DACH2: variants seen among roughly 807,000 people sequenced by gnomAD.
The protein encoded by DACH2 is dachshund family transcription factor 2.
Under a neutral mutation model 35.8 loss-of-function variants are expected in DACH2, and 17 were observed. The observed-to-expected ratio is 0.48, with a 90% CI of 0.33 to 0.71. DACH2 has a LOEUF of 0.71. DACH2 is among the 30% of genes least tolerant of loss of function. DACH2 has a pLI of 0.02. For synonymous variants in DACH2, 195 were observed against 177.3 expected, an observed-to-expected ratio of 1.10 and a Z score of -0.79; for missense variants, 469 against 472.7, an observed-to-expected ratio of 0.99 and a Z score of 0.07.
chrX:86,438,050 C>T (rs895267400), intron 2 of DACH2, among the ~76,000 whole-genome samples: 5 of 108,765 alleles, frequency 4.6e-5, no homozygotes, highest in African/African-American at 1.7e-4. Flanking sequence ...TACCCTCCAA[C>T]AGGCTCCAGG....
At chrX:86,705,729 T>A (rs1374595974) in intron 5 of DACH2, among the ~76,000 whole-genome samples, 1 of 111,339 alleles carries the variant, frequency 9.0e-6, no homozygotes, top group African/African-American at 3.3e-5. Flanking sequence ...AATCCAGCAA[T>A]CCCTCTACTG....
chrX:86,720,373 A>G (rs957223038), intron 6 of DACH2, among the ~76,000 whole-genome samples: 1 of 111,792 alleles, frequency 8.9e-6, no homozygotes, highest in Non-Finnish European at 1.9e-5. Flanking sequence ...TACTTCCTAA[A>G]TATAATGGGG....
chrX:86,394,528 TAA>T (rs939754833), intron 2 of DACH2, among the ~76,000 whole-genome samples: 3 of 111,674 alleles, frequency 2.7e-5, no homozygotes, highest in African/African-American at 9.7e-5. Flanking sequence ...GCCTACCTGA[TAA>T]AAGAGTATTT....
intron 1 of DACH2, among the ~76,000 whole-genome samples, chrX:86,296,804 A>G (rs1962548063): frequency 9.0e-6 from 1 of 110,559 alleles, no homozygotes; most frequent in Non-Finnish European, 1.9e-5. Context: ...ATTATGGTAG[A>G]CCATTCTTGA....
At chrX:86,479,485 A>G (rs1476150043) in intron 2 of DACH2, among the ~76,000 whole-genome samples, 2 of 111,374 alleles carry the variant, frequency 1.8e-5, no homozygotes, top group Admixed American at 9.5e-5. Context: ...TTGATGTCCT[A>G]TAACTATCTT....
intron 2 of DACH2, among the ~76,000 whole-genome samples, chrX:86,485,650 A>G (rs981167538): frequency 9.0e-6 from 1 of 111,698 alleles, no homozygotes; most frequent in Non-Finnish European, 1.9e-5. Context: ...TACTATGTCA[A>G]TTATAAATTT....
chrX:86,311,582 G>T (rs191114064), intron 1 of DACH2, among the ~76,000 whole-genome samples: 5 of 110,789 alleles, frequency 4.5e-5, no homozygotes, highest in African/African-American at 1.6e-4. Context: ...AGTGGAAGTG[G>T]CACCACTCAC....
At chrX:86,170,500 C>G (rs771615646) in intron 1 of DACH2, among the ~76,000 whole-genome samples, 1 of 111,976 alleles carries the variant, frequency 8.9e-6, no homozygotes, top group Non-Finnish European at 1.9e-5. Context: ...CAGTCAAAAC[C>G]CTTAGAAGTC....
chrX:86,298,253 T>G, intron 1 of DACH2, among the ~76,000 whole-genome samples: 1 of 111,980 alleles, frequency 8.9e-6, no homozygotes, highest in African/African-American at 3.2e-5. Flanking sequence ...CAGTAGTGAT[T>G]TGACCCTCTT....
chrX:86,389,887 G>GA (rs1260640885), intron 2 of DACH2, among the ~76,000 whole-genome samples: 2 of 111,478 alleles, frequency 1.8e-5, no homozygotes, highest in African/African-American at 6.5e-5. Context: ...AATGATGCTG[G>GA]AAAAAAAATC....
Position 86,640,651 on chromosome X carries a change from T to G in DACH2, c.641-10385T>G, listed in dbSNP as rs545277725. 2.8e-5 allele frequency among the ~76,000 whole-genome samples: 3 copies of G among 107,884 alleles called. No homozygotes were observed. The South Asian group carries it at 1.2e-3, about 44-fold the overall frequency. 93.7% of individuals were successfully genotyped at this position (107,884 alleles called of 115,157 possible). Reference sequence around the variant, plus strand: ...GGAACTGCAGTGGGCAGCTAAGGAGTGCCAAGTCATGAACTACAGCAAGCA... The same window carrying G: ...GGAACTGCAGTGGGCAGCTAAGGAGGGCCAAGTCATGAACTACAGCAAGCA... On this transcript the variant is annotated intron_variant, in intron 3 of 11. Transcript: ENST00000373125.
intron 2 of DACH2, among the ~76,000 whole-genome samples, chrX:86,414,592 G>T (rs1327076464): frequency 9.0e-6 from 1 of 110,855 alleles, no homozygotes; most frequent in African/African-American, 3.3e-5. Flanking sequence ...ATTGGTCAAG[G>T]GTATATCTTT....
rs1397085542 is a variant in DACH2, at chrX:86,396,026, C to A, written c.527+19164C>A. 7.2e-4 allele frequency among the ~76,000 whole-genome samples: 80 copies of A among 111,385 alleles called. 1 individual carries two copies. The East Asian group carries it at 0.022, about 31-fold the overall frequency. ...CCAACAGTGTAAAAGTGTTCCTATT[C>A]GTCCACATCCTCTCCAGCACCTGTT... is the stretch of plus-strand genomic sequence containing the variant. On this transcript the variant is annotated intron_variant, in intron 2 of 11. Transcript: ENST00000373125.
In DACH2 at chrX:86,215,184, G is replaced by T. The variant is rs763569189; in HGVS notation, c.488+66076G>T. ...TTACCCATTTGGAAGGCATGTAGTT[G>T]GCAAATTTGATGAACATCTACAGAA... On this transcript the variant is annotated intron_variant, in intron 1 of 11. Transcript: ENST00000373125. Among the ~76,000 whole-genome samples, 4 of 110,962 alleles carry T rather than the reference G, an allele frequency of 3.6e-5. No individual in the cohort carries two copies. The South Asian group carries it at 1.5e-3, about 42-fold the overall frequency.
chrX:86,472,571 T>C (rs1204013097), intron 2 of DACH2, among the ~76,000 whole-genome samples: 1 of 112,071 alleles, frequency 8.9e-6, no homozygotes, highest in Admixed American at 9.5e-5. Flanking sequence ...ACTGTTTAGC[T>C]ATAGGACGCT....
At chrX:86,383,992 A>G (rs2036086970) in intron 2 of DACH2, among the ~76,000 whole-genome samples, 1 of 111,520 alleles carries the variant, frequency 9.0e-6, no homozygotes, top group South Asian at 3.7e-4. Context: ...ACAGAAAGAA[A>G]ATAGACTTTT....
At chrX:86,346,735 A>G (rs761612213) in intron 1 of DACH2, among the ~76,000 whole-genome samples, 19 of 111,784 alleles carry the variant, frequency 1.7e-4, no homozygotes, top group Admixed American at 1.5e-3. Context: ...TGGATCCCCT[A>G]TACTTTTTTG....
At chrX:86,484,667 T>C (rs778323999) in intron 2 of DACH2, among the ~76,000 whole-genome samples, 1 of 112,118 alleles carries the variant, frequency 8.9e-6, no homozygotes, top group Non-Finnish European at 1.9e-5. Flanking sequence ...TCAATGGTCA[T>C]TGTTTCATAG....
intron 4 of DACH2, among the ~76,000 whole-genome samples, chrX:86,680,238 G>C (rs1415018508): frequency 5.4e-5 from 6 of 111,667 alleles, no homozygotes; most frequent in African/African-American, 1.9e-4. Flanking sequence ...TATTGTAACT[G>C]CTCTGGAGAA....
Sources: gnomAD v4.1 joint callset for allele counts (sites outside exome capture counted in the v4.1 genomes callset) on GRCh38, gnomAD v4.1.1 for gene constraint, MANE v1.5 for transcripts, NCBI Gene and HGNC (gene_info 2026-07-23, HGNC 2026-07-21) for gene names.